Variants in KAZN observed in about 807,000 individuals in gnomAD.
The protein encoded by KAZN is kazrin, periplakin interacting protein, also known as kazrin.
In KAZN, 40 loss-of-function variants were observed where a neutral mutation model predicts 87.4. The observed-to-expected ratio is 0.46, with a 90% CI of 0.36 to 0.60. The LOEUF (loss-of-function observed/expected upper bound fraction) is 0.60, where lower values mean the gene tolerates loss of function less well. Among genes scored for constraint, KAZN ranks in the 20% least tolerant of loss-of-function variants. The probability of loss-of-function intolerance (pLI) is 0.00; values close to 1 mark genes in which losing one functional copy is unlikely to be tolerated. For missense variants in KAZN, 898 were observed against 1,073.9 expected (o/e 0.84, Z 2.29); for synonymous variants, 466 against 458.3 (o/e 1.02, Z -0.22).
chr1:14,620,871 C>T (rs1050891612), intron 1 of KAZN, among the ~76,000 whole-genome samples: 4 of 152,280 alleles, frequency 2.6e-5, no homozygotes, highest in African/African-American at 4.8e-5. Flanking sequence ...AATCTCCCAG[C>T]GGAGCCTCTT....
At chr1:14,542,644 T>C (rs960334523) in intron 2 of KAZN, among the ~76,000 whole-genome samples, 2 of 152,188 alleles carry the variant, frequency 1.3e-5, no homozygotes, top group African/African-American at 4.8e-5. Flanking sequence ...GGAGTGCAGA[T>C]CCCGTCACCC....
intron 1 of KAZN, among the ~76,000 whole-genome samples, chr1:14,948,238 T>G (rs1662058793): frequency 6.6e-6 from 1 of 152,236 alleles, no homozygotes. Flanking sequence ...TTGGCTTATG[T>G]AACTGAAAAG....
chr1:13,943,950 A>G (rs1460940115), intron 1 of KAZN, among the ~76,000 whole-genome samples: 1 of 152,204 alleles, frequency 6.6e-6, no homozygotes, highest in Non-Finnish European at 1.5e-5. Context: ...AAATGGTGCA[A>G]TCATTTTGGA....
intron 2 of KAZN, among the ~76,000 whole-genome samples, chr1:14,373,254 A>G (rs1391174578): frequency 6.6e-6 from 1 of 151,254 alleles, no homozygotes; most frequent in Non-Finnish European, 1.5e-5. Flanking sequence ...AGGAATTGGC[A>G]AAGGAGATCA....
intron 2 of KAZN, among the ~76,000 whole-genome samples, chr1:14,364,873 G>C (rs1283374965): frequency 2.6e-5 from 4 of 152,094 alleles, no homozygotes; most frequent in African/African-American, 9.7e-5. Context: ...CCCTGTGTGT[G>C]TCTTCACTTC....
intron 1 of KAZN, among the ~76,000 whole-genome samples, chr1:14,114,023 G>A (rs1178653560): frequency 1.3e-5 from 2 of 152,180 alleles, no homozygotes; most frequent in African/African-American, 2.4e-5. Context: ...AAACGTCCAG[G>A]GGAGGGCACT....
intron 2 of KAZN, among the ~76,000 whole-genome samples, chr1:15,005,583 C>T (rs529555489): frequency 6.6e-6 from 1 of 151,946 alleles, no homozygotes; most frequent in Non-Finnish European, 1.5e-5. Context: ...GTCAGGGATG[C>T]GAAACCAGCC....
At chr1:14,588,258 C>T (rs1026706623) in intron 2 of KAZN, among the ~76,000 whole-genome samples, 8 of 152,252 alleles carry the variant, frequency 5.3e-5, no homozygotes, top group African/African-American at 1.4e-4. Context: ...TCTACCAGCT[C>T]ATTTAGCCTC....
At position 13,963,756 on chromosome 1, in the gene KAZN, GGTCTGTGTGT is replaced by G. The variant is rs1347299146; in HGVS notation, c.91+70003_91+70012del. ...TTAAAGGGTTAAATGTTTCTGCTGT[GGTCTGTGTGT>G]GTGTGTGTGTGTGTGTGTGTGTGTG... On this transcript the variant is annotated intron_variant, in intron 1 of 16. Coordinates refer to the KAZN transcript ENST00000636203. 4.4e-4 allele frequency among the ~76,000 whole-genome samples: 51 copies of G among 117,124 alleles called. 1 individual carries two copies. Among genetic ancestry groups the G allele is most frequent in the African/African-American group, 1.6e-3 (50 of 31,610 alleles). The allele number at this position is 117,124 out of a possible 152,430, so 76.8% of individuals were successfully genotyped here.
chr1:14,446,509 C>T (rs1409406526), intron 2 of KAZN, among the ~76,000 whole-genome samples: 1 of 152,130 alleles, frequency 6.6e-6, no homozygotes. Context: ...GACTCTAATT[C>T]AATTGGGAAA....
At chr1:14,251,643 C>CTTTT (rs549092023) in intron 2 of KAZN, among the ~76,000 whole-genome samples, 1,081 of 90,294 alleles carry the variant, frequency 0.012, 171 homozygotes, top group African/African-American at 0.051. Context: ...TTCTCCCGGA[C>CTTTT]TTTTTTTTTT....
chr1:14,711,331 ACT>A lies in KAZN; in HGVS notation c.226+112111_226+112112del, dbSNP rs575761492. ...AGACCAACCTGGGCAATATAGAAAG[ACT>A]CTGTTTCCAAAAAAAAAAAAAAAAT... On this transcript the variant is annotated intron_variant, in intron 1 of 14. Coordinates refer to ENST00000376030, the MANE Select transcript of KAZN (RefSeq NM_201628.3). Among the ~76,000 whole-genome samples the A allele has an allele frequency of 3.9e-3, 573 of 146,858 alleles. 7 individuals are homozygous for A. The highest frequency in any genetic ancestry group is 0.028 in the Middle Eastern group (8 of 282).
At chr1:13,968,865 G>A (rs1642036634) in intron 1 of KAZN, among the ~76,000 whole-genome samples, 1 of 152,074 alleles carries the variant, frequency 6.6e-6, no homozygotes, top group African/African-American at 2.4e-5. Flanking sequence ...TAAATGCCAT[G>A]CACTTGCCGA....
chr1:14,802,751 C>G (rs1572521852), intron 1 of KAZN, among the ~76,000 whole-genome samples: 2 of 152,164 alleles, frequency 1.3e-5, no homozygotes, highest in East Asian at 1.9e-4. Flanking sequence ...GGCCAGCTGG[C>G]CTCTTTTAAG....
intron 1 of KAZN, among the ~76,000 whole-genome samples, chr1:14,886,257 AC>A (rs1654037150): frequency 6.6e-6 from 1 of 151,972 alleles, no homozygotes; most frequent in Non-Finnish European, 1.5e-5. Flanking sequence ...CCACATCACT[AC>A]AAAAAGATTA....
chr1:14,698,089 A>C (rs913057782), intron 1 of KAZN, among the ~76,000 whole-genome samples: 1 of 152,204 alleles, frequency 6.6e-6, no homozygotes, highest in African/African-American at 2.4e-5. Context: ...TATTCTACCC[A>C]AGGACTGTTC....
intron 1 of KAZN, among the ~76,000 whole-genome samples, chr1:14,750,443 A>T (rs1354784591): frequency 6.6e-6 from 1 of 152,194 alleles, no homozygotes; most frequent in African/African-American, 2.4e-5. Context: ...TATTCCAGGT[A>T]CGAACACTGA....
At chr1:13,998,861 CA>C (rs1359986933) in intron 1 of KAZN, among the ~76,000 whole-genome samples, 1 of 152,172 alleles carries the variant, frequency 6.6e-6, no homozygotes, top group African/African-American at 2.4e-5. Flanking sequence ...CTGGATCAAG[CA>C]GACCTTGTAG....
intron 1 of KAZN, among the ~76,000 whole-genome samples, chr1:14,759,141 A>C (rs573523066): frequency 6.6e-6 from 1 of 152,124 alleles, no homozygotes; most frequent in Non-Finnish European, 1.5e-5. Flanking sequence ...TTAAATAAAA[A>C]TCCGTGGGGG....
Sources: gnomAD v4.1 joint callset for allele counts (sites outside exome capture counted in the v4.1 genomes callset) on GRCh38, gnomAD v4.1.1 for gene constraint, MANE v1.5 for transcripts, NCBI Gene and HGNC (gene_info 2026-07-23, HGNC 2026-07-21) for gene names.